Variants in CHST9 observed in about 807,000 individuals in gnomAD.
The protein encoded by CHST9 is carbohydrate sulfotransferase 9, also known as GalNAc-4-sulfotransferase 2.
In CHST9, 41 loss-of-function variants were observed where a neutral mutation model predicts 44.4. That is an observed-to-expected ratio of 0.92 (90% confidence interval 0.72 to 1.20). The LOEUF (loss-of-function observed/expected upper bound fraction) is 1.20. CHST9 is among the 50% of genes most tolerant of loss of function. The probability of loss-of-function intolerance (pLI) is 0.00; values close to 1 mark genes in which losing one functional copy is unlikely to be tolerated. For synonymous variants in CHST9, 171 were observed against 178.4 expected (o/e 0.96, Z 0.33); for missense variants, 504 against 516.5 (o/e 0.98, Z 0.23).
intron 5 of CHST9, among the ~76,000 whole-genome samples, chr18:26,925,339 A>C: frequency 6.6e-6 from 1 of 151,972 alleles, no homozygotes; most frequent in South Asian, 2.1e-4. Context: ...TAATCACTGC[A>C]TCAAACAGAA....
intron 4 of CHST9, among the ~76,000 whole-genome samples, chr18:26,966,880 T>TAA (rs35286743): frequency 6.6e-4 from 85 of 128,582 alleles, no homozygotes; most frequent in East Asian, 3.4e-3. Flanking sequence ...TTACTTTCTT[T>TAA]AAAAAAAAAA....
At chr18:27,059,024 C>T (rs895559151) in intron 2 of CHST9, among the ~76,000 whole-genome samples, 24 of 152,056 alleles carry the variant, frequency 1.6e-4, no homozygotes, top group African/African-American at 5.5e-4. Context: ...GTTCAATATA[C>T]CTATAAATAT....
chr18:27,011,025 C>T (rs1176561348), intron 4 of CHST9, among the ~76,000 whole-genome samples: 1 of 152,094 alleles, frequency 6.6e-6, no homozygotes, highest in East Asian at 1.9e-4. Flanking sequence ...ATTGTAAAGG[C>T]TCCTGGTGAT....
At chr18:27,002,614 G>C (rs1193227914) in intron 4 of CHST9, among the ~76,000 whole-genome samples, 1 of 152,160 alleles carries the variant, frequency 6.6e-6, no homozygotes, top group East Asian at 1.9e-4. Context: ...GTAGGCTAAT[G>C]TAAGTGTTTT....
rs572528463 is a variant in CHST9, at chr18:27,029,949, G to A, written c.161-5792C>T. On this transcript the variant is annotated intron_variant, in intron 3 of 5. Transcript: ENST00000618847. ...TTTAGGTAATACTATTTAAGCACCA[G>A]TTTTGAAGAACTTCCTAGTCCCCTA... 5.9e-5 allele frequency among the ~76,000 whole-genome samples: 9 copies of A among 152,250 alleles called. No homozygotes were observed. In the South Asian group the frequency reaches 1.9e-3, roughly 32 times the overall value.
chr18:27,149,540 T>C (rs2058642974), intron 1 of CHST9, among the ~76,000 whole-genome samples: 1 of 152,146 alleles, frequency 6.6e-6, no homozygotes, highest in African/African-American at 2.4e-5. Flanking sequence ...GTGATTTATA[T>C]TACTGGGTAT....
At chr18:27,170,104 AGAG>A (rs1291758745) in intron 1 of CHST9, among the ~76,000 whole-genome samples, 1 of 152,194 alleles carries the variant, frequency 6.6e-6, no homozygotes, top group Non-Finnish European at 1.5e-5. Flanking sequence ...AGAGAGAATG[AGAG>A]GAGAACACAG....
In CHST9 at chr18:26,908,524, T is replaced by C. The variant is rs2055398622; in HGVS notation, c.*7735A>G. 1.3e-5 allele frequency: 2 copies of C among 152,034 alleles called. No individual in the cohort carries two copies. The highest frequency in any genetic ancestry group is 2.9e-5 in the Non-Finnish European group (2 of 68,008). The allele number at this position is 152,034 out of a possible 1,614,324, so 9.4% of individuals were successfully genotyped here. ...TTATGTTATGTGGATTTTGCCACAA[T>C]TGAAAATATCAAAAGAAGAAAAATG... is the stretch of plus-strand genomic sequence containing the variant. On this transcript the variant is annotated 3_prime_UTR_variant, in exon 6 of 6. Transcript: ENST00000618847.
intron 4 of CHST9, among the ~76,000 whole-genome samples, chr18:26,960,937 G>T (rs9950196): frequency 0.27 from 41,091 of 152,106 alleles, 6,185 homozygotes; most frequent in African/African-American, 0.41. Context: ...CTTTACTTGT[G>T]TACAATGTTT....
intron 3 of CHST9, among the ~76,000 whole-genome samples, chr18:27,027,549 G>T (rs2057296141): frequency 6.6e-6 from 1 of 152,074 alleles, no homozygotes; most frequent in South Asian, 2.1e-4. Flanking sequence ...AAATCGCCTG[G>T]ATGCGCCATT....
intron 2 of CHST9, among the ~76,000 whole-genome samples, chr18:27,102,032 C>T (rs2058177447): frequency 1.3e-5 from 2 of 152,156 alleles, no homozygotes; most frequent in African/African-American, 2.4e-5. Flanking sequence ...TGCAACTGGG[C>T]TTCTGCATCA....
chr18:27,101,882 G>A (rs968749374), intron 2 of CHST9, among the ~76,000 whole-genome samples: 2 of 152,174 alleles, frequency 1.3e-5, no homozygotes, highest in Non-Finnish European at 2.9e-5. Context: ...AAGTGATCAG[G>A]TGTCATTGCA....
chr18:27,130,981 A>G (rs1196426844), intron 2 of CHST9, among the ~76,000 whole-genome samples: 1 of 152,178 alleles, frequency 6.6e-6, no homozygotes, highest in Non-Finnish European at 1.5e-5. Flanking sequence ...TTACCTCAGG[A>G]AGGCAAGAAA....
chr18:27,157,539 A>G (rs1230803348), intron 1 of CHST9, among the ~76,000 whole-genome samples: 1 of 152,154 alleles, frequency 6.6e-6, no homozygotes, highest in Non-Finnish European at 1.5e-5. Context: ...AAAACAGCAG[A>G]GGTCCTAATC....
intron 2 of CHST9, among the ~76,000 whole-genome samples, chr18:27,100,497 A>G (rs527630628): frequency 4.1e-4 from 62 of 152,336 alleles, no homozygotes; most frequent in African/African-American, 1.3e-3. Context: ...GGAAGGAAGA[A>G]TAAGAGTGGG....
chr18:26,974,452 T>C (rs2056591930), intron 4 of CHST9, among the ~76,000 whole-genome samples: 2 of 152,236 alleles, frequency 1.3e-5, no homozygotes, highest in Admixed American at 1.3e-4. Context: ...ATATGAAGTA[T>C]GTTTTCTGTA....
At chr18:26,995,446 A>AAG (rs1435082180) in intron 4 of CHST9, among the ~76,000 whole-genome samples, 2 of 151,518 alleles carry the variant, frequency 1.3e-5, no homozygotes, top group Non-Finnish European at 2.9e-5. Context: ...TCAAAAAAAA[A>AAG]AAAAAAAAAA....
At chr18:27,112,120 T>C (rs2058276231) in intron 2 of CHST9, among the ~76,000 whole-genome samples, 1 of 148,466 alleles carries the variant, frequency 6.7e-6, no homozygotes, top group Admixed American at 6.7e-5. Flanking sequence ...AATGTATATA[T>C]TATATTAATA....
At chr18:27,110,717 C>T (rs2058263832) in intron 2 of CHST9, among the ~76,000 whole-genome samples, 2 of 152,192 alleles carry the variant, frequency 1.3e-5, no homozygotes, top group African/African-American at 4.8e-5. Flanking sequence ...GCTTCAGAGG[C>T]CAAATTCAGA....
Sources: gnomAD v4.1 joint callset for allele counts (sites outside exome capture counted in the v4.1 genomes callset) on GRCh38, gnomAD v4.1.1 for gene constraint, MANE v1.5 for transcripts, NCBI Gene and HGNC (gene_info 2026-07-23, HGNC 2026-07-21) for gene names.